The following UNC13C variants were observed in gnomAD, a reference collection of about 807,000 sequenced individuals.
UNC13C encodes the protein unc-13 homolog C, also known as protein unc-13 homolog C.
In UNC13C, 174 loss-of-function variants were observed where a neutral mutation model predicts 245.4. The ratio of observed to expected loss-of-function variants is 0.71; its 90% CI spans 0.63 to 0.80. The LOEUF (loss-of-function observed/expected upper bound fraction) is 0.80. Ranked by LOEUF, UNC13C falls within the 30% of genes least tolerant of loss-of-function variation. UNC13C has a pLI of 0.00. For synonymous variants in UNC13C, 992 were observed against 895.1 expected (o/e 1.11, Z -1.93); for missense variants, 2,829 against 2,602.9 (o/e 1.09, Z -1.89).
intron 17 of UNC13C, among the ~76,000 whole-genome samples, chr15:54,389,454 G>T (rs1171866136): frequency 1.3e-5 from 2 of 152,194 alleles, no homozygotes; most frequent in Non-Finnish European, 2.9e-5. Flanking sequence ...ATACACTAAA[G>T]TTGGAGAACC....
Position 54,627,726 on chromosome 15 carries a change from TAG to T in UNC13C, c.*616_*617del, listed in dbSNP as rs1491183818. 6.6e-6 allele frequency: 1 copy of T among 152,184 alleles called. No individual in the cohort carries two copies. The allele number at this position is 152,184 out of a possible 1,614,324, so 9.4% of individuals were successfully genotyped here. ...AAAGCAAACTTACATAAAGCAATGC[TAG>T]AGTTTGTTAACAATGTTTGATATAT... On this transcript the variant is annotated 3_prime_UTR_variant, in exon 33 of 33. Coordinates refer to ENST00000260323, the MANE Select transcript of UNC13C (RefSeq NM_001080534.3).
intron 24 of UNC13C, among the ~76,000 whole-genome samples, chr15:54,516,855 T>A (rs1006973227): frequency 2.0e-5 from 3 of 151,792 alleles, no homozygotes; most frequent in Non-Finnish European, 2.9e-5. Context: ...CCGTTTTTCT[T>A]ATTTGTACAC....
intron 17 of UNC13C, among the ~76,000 whole-genome samples, chr15:54,364,793 C>T (rs2039325317): frequency 6.6e-6 from 1 of 152,162 alleles, no homozygotes; most frequent in South Asian, 2.1e-4. Context: ...GCCGGTAACA[C>T]ACTTAGCTAG....
intron 29 of UNC13C, 86 bp downstream of exon 29, chr15:54,555,598 C>T: frequency 2.1e-6 from 2 of 954,830 alleles, no homozygotes; most frequent in Non-Finnish European, 3.2e-6. Context: ...AGCCATGTAT[C>T]AGTAGAGCTG....
intron 4 of UNC13C, among the ~76,000 whole-genome samples, chr15:54,207,730 A>G (rs1006413636): frequency 1.1e-4 from 17 of 152,126 alleles, no homozygotes; most frequent in African/African-American, 3.1e-4. Flanking sequence ...TTTTCTTAAA[A>G]TGACTCAATG....
At chr15:54,235,800 A>G (rs1211019952) in intron 5 of UNC13C, among the ~76,000 whole-genome samples, 6 of 152,158 alleles carry the variant, frequency 3.9e-5, no homozygotes, top group African/African-American at 1.4e-4. Context: ...GCGTGAGCCG[A>G]GATTGCGCCA....
intron 4 of UNC13C, among the ~76,000 whole-genome samples, chr15:54,169,157 T>C (rs778616772): frequency 1.3e-5 from 2 of 152,164 alleles, no homozygotes; most frequent in African/African-American, 2.4e-5. Context: ...GCTTAAAAGT[T>C]TTTCAAATTA....
At chr15:54,101,805 C>T (rs985723047) in intron 2 of UNC13C, among the ~76,000 whole-genome samples, 1 of 151,824 alleles carries the variant, frequency 6.6e-6, no homozygotes, top group Non-Finnish European at 1.5e-5. Context: ...AGGCTGGTCT[C>T]GAACTCCTGA....
chr15:54,017,199 C>A (rs940112792), intron 2 of UNC13C, among the ~76,000 whole-genome samples: 4 of 151,918 alleles, frequency 2.6e-5, no homozygotes, highest in African/African-American at 9.7e-5. Flanking sequence ...AATGCACTGG[C>A]TGTTGCAACA....
chr15:53,885,640 A>G, the UNC13C span, among the ~76,000 whole-genome samples: 3 of 152,176 alleles, frequency 2.0e-5, no homozygotes, highest in East Asian at 1.9e-4. Flanking sequence ...GATGACATAA[A>G]TTTGGTATGC....
intron 2 of UNC13C, among the ~76,000 whole-genome samples, chr15:54,113,329 T>C (rs2029961226): frequency 6.6e-6 from 1 of 152,128 alleles, no homozygotes; most frequent in African/African-American, 2.4e-5. Context: ...TTAGAGATAG[T>C]AGGAAGACAA....
chr15:53,870,813 C>T, the UNC13C span, among the ~76,000 whole-genome samples: 1 of 152,182 alleles, frequency 6.6e-6, no homozygotes, highest in Admixed American at 6.5e-5. Context: ...CAGCAATTAA[C>T]TGAATTAACT....
At chr15:54,446,118 T>C (rs1890798923) in intron 19 of UNC13C, among the ~76,000 whole-genome samples, 1 of 152,200 alleles carries the variant, frequency 6.6e-6, no homozygotes, top group South Asian at 2.1e-4. Context: ...TGTGGTATTA[T>C]TTCTGAGGGC....
chr15:54,004,898 C>T (rs1410972374), intron 1 of UNC13C, among the ~76,000 whole-genome samples: 1 of 152,098 alleles, frequency 6.6e-6, no homozygotes, highest in Non-Finnish European at 1.5e-5. Flanking sequence ...CTTATATATT[C>T]CGGTTATTAA....
chr15:54,306,880 T>G (rs1465242937), intron 13 of UNC13C, among the ~76,000 whole-genome samples: 4 of 152,004 alleles, frequency 2.6e-5, no homozygotes, highest in Non-Finnish European at 5.9e-5. Context: ...ACAGGTTACT[T>G]TAAAGTCACA....
chr15:54,504,195 A>T (rs932631750), intron 22 of UNC13C, among the ~76,000 whole-genome samples: 1 of 152,178 alleles, frequency 6.6e-6, no homozygotes, highest in Non-Finnish European at 1.5e-5. Flanking sequence ...CCTAAAAACA[A>T]ATAAACAAAT....
At chr15:54,593,895 G>A (rs1474172291) in intron 30 of UNC13C, among the ~76,000 whole-genome samples, 4 of 152,136 alleles carry the variant, frequency 2.6e-5, no homozygotes, top group African/African-American at 9.7e-5. Context: ...GGGGCATGTT[G>A]ACCAGTCTTG....
chr15:54,408,215 A>AAAAAAAC lies in UNC13C; in HGVS notation c.4848-6761_4848-6760insCAAAAAA, dbSNP rs1392594156. Among the ~76,000 whole-genome samples the AAAAAAAC allele has an allele frequency of 2.4e-3, 358 of 148,436 alleles. 8 individuals are homozygous for AAAAAAAC. The highest frequency in any genetic ancestry group is 4.3e-3 in the Non-Finnish European group (287 of 66,548). On this transcript the variant is annotated intron_variant, in intron 18 of 32. Coordinates refer to ENST00000260323, the MANE Select transcript of UNC13C (RefSeq NM_001080534.3). Reference sequence around the variant, plus strand: ...ACTCTGCCTCAAAAAAAAAAAAAAAAAAAAAAAAAAAAAACATGGGCAAGA... The same window carrying AAAAAAAC: ...ACTCTGCCTCAAAAAAAAAAAAAAAAAAAAAACAAAAAAAAAAAAAACATGGGCAAGA...
In UNC13C at chr15:54,252,947, A is replaced by G. The variant is rs560031871; in HGVS notation, c.3448+2503A>G. Reference sequence around the variant, plus strand: ...TCTTTCCTTGTAATTTCTACCCATTACGCCATATCTTACTTCTGGTGAAAA... The same window carrying G: ...TCTTTCCTTGTAATTTCTACCCATTGCGCCATATCTTACTTCTGGTGAAAA... On this transcript the variant is annotated intron_variant, in intron 8 of 32. Coordinates refer to ENST00000260323, the MANE Select transcript of UNC13C (RefSeq NM_001080534.3). 3.9e-5 allele frequency among the ~76,000 whole-genome samples: 6 copies of G among 152,302 alleles called. No individual in the cohort carries two copies. In the South Asian group the frequency reaches 1.0e-3, roughly 26 times the overall value.
Sources: gnomAD v4.1 joint callset for allele counts (sites outside exome capture counted in the v4.1 genomes callset) on GRCh38, gnomAD v4.1.1 for gene constraint, MANE v1.5 for transcripts, NCBI Gene and HGNC (gene_info 2026-07-23, HGNC 2026-07-21) for gene names.